Variants in PSD2 observed in about 807,000 individuals in gnomAD.
PSD2 encodes the protein PH and SEC7 domain-containing protein 2.
PSD2 carries 38 observed loss-of-function variants against 69.8 expected under a neutral mutation model. The ratio of observed to expected loss-of-function variants is 0.54; its 90% CI spans 0.42 to 0.71. The LOEUF (loss-of-function observed/expected upper bound fraction) is 0.71. Among genes scored for constraint, PSD2 ranks in the 30% least tolerant of loss-of-function variants. The probability of loss-of-function intolerance (pLI) is 0.00; values close to 1 mark genes in which losing one functional copy is unlikely to be tolerated. For synonymous variants in PSD2, 412 were observed against 423.0 expected, an observed-to-expected ratio of 0.97 and a Z score of 0.32; for missense variants, 943 against 1,014.5, an observed-to-expected ratio of 0.93 and a Z score of 0.96.
chr5:139,840,848 G>A (rs1356861060), intron 14 of PSD2, among the ~76,000 whole-genome samples: 2 of 151,986 alleles, frequency 1.3e-5, no homozygotes, highest in Admixed American at 6.5e-5. Context: ...CACCACGCCC[G>A]GCCTCATTAC....
intron 1 of PSD2, among the ~76,000 whole-genome samples, chr5:139,809,095 A>T (rs1345937672): frequency 6.6e-6 from 1 of 152,164 alleles, no homozygotes; most frequent in Non-Finnish European, 1.5e-5. Context: ...GATCTTCCTC[A>T]GAGGGCTTTG....
In PSD2 at chr5:139,813,615, C is replaced by G; in HGVS notation, c.678C>G (p.Ile226Met). The change falls in exon 3 of 15, where the codon ATC (isoleucine) becomes ATG (methionine). Residue 226 changes from isoleucine to methionine, a missense_variant. Physicochemically the swap from Ile to Met is conservative, Grantham distance 10 (BLOSUM62 1). This residue lies in a region of PSD2 where 466 missense variants were observed against 445.0 expected (regional missense o/e 1.05). Coordinates refer to ENST00000274710, the MANE Select transcript of PSD2 (RefSeq NM_032289.4). ...TGGGCAGCCCCCTGCGGCGCTCCAT[C>G]TCCAGCAGCCGCTCTGAGAATGTCC... ...GELGSPLRRS[I>M]SSSRSENVLS... 1.2e-6 allele frequency: 2 copies of G among 1,613,732 alleles called. No homozygotes were observed. The highest frequency in any genetic ancestry group is 1.7e-6 in the Non-Finnish European group (2 of 1,179,910).
the PSD2 span, among the ~76,000 whole-genome samples, chr5:139,782,205 C>T: frequency 9.5e-4 from 145 of 152,040 alleles, 1 homozygote; most frequent in Non-Finnish European, 3.5e-4. Context: ...GTCTGTGAGA[C>T]GGAGTTTCAC....
chr5:139,841,395 TTTTG>T (rs2126972897), intron 14 of PSD2, among the ~76,000 whole-genome samples: 1 of 152,318 alleles, frequency 6.6e-6, no homozygotes, highest in South Asian at 2.1e-4. Flanking sequence ...ACACACCACA[TTTTG>T]TTTATCCGTT....
At chr5:139,745,981 C>G in the PSD2 span, among the ~76,000 whole-genome samples, 1 of 152,148 alleles carries the variant, frequency 6.6e-6, no homozygotes, top group African/African-American at 2.4e-5. Context: ...AGGACCAAGC[C>G]CCTCCTCCCC....
At chr5:139,775,013 C>T in the PSD2 span, among the ~76,000 whole-genome samples, 32 of 152,206 alleles carry the variant, frequency 2.1e-4, no homozygotes, top group Middle Eastern at 3.4e-3. Flanking sequence ...ACTGTGCCGC[C>T]GCCCTCCTGC....
At chr5:139,815,655 C>G (rs114585549) in intron 4 of PSD2, among the ~76,000 whole-genome samples, 2,462 of 152,216 alleles carry the variant, frequency 0.016, 76 homozygotes, top group African/African-American at 0.056. Context: ...GCAGCTTCCA[C>G]GAGACTGGCC....
the PSD2 span, among the ~76,000 whole-genome samples, chr5:139,757,562 A>G: frequency 3.3e-5 from 5 of 152,190 alleles, no homozygotes; most frequent in African/African-American, 9.6e-5. Context: ...GTTAGTCCCA[A>G]TGATTTGGGA....
intron 1 of PSD2, 120 bp from the exon 2 acceptor site, chr5:139,809,271 G>A (rs3797901): frequency 0.24 from 178,961 of 753,636 alleles, 23,137 homozygotes; most frequent in African/African-American, 0.44. Flanking sequence ...CCCCGAGGAG[G>A]TCATCTTGGC....
chr5:139,757,692 C>T, the PSD2 span, among the ~76,000 whole-genome samples: 11 of 152,324 alleles, frequency 7.2e-5, no homozygotes, highest in Admixed American at 2.0e-4. Context: ...AGCAAACCAA[C>T]GTATACATAA....
the PSD2 span, among the ~76,000 whole-genome samples, chr5:139,789,814 T>C: frequency 1.3e-5 from 2 of 151,864 alleles, no homozygotes. Context: ...ATATGGTATA[T>C]ACATATGTGT....
At chr5:139,827,847 C>G (rs1224007590) in intron 7 of PSD2, among the ~76,000 whole-genome samples, 2 of 152,194 alleles carry the variant, frequency 1.3e-5, no homozygotes, top group African/African-American at 4.8e-5. Context: ...GATCCAATCA[C>G]CTTCCTCCCT....
intron 1 of PSD2, among the ~76,000 whole-genome samples, chr5:139,802,894 C>A (rs1759710991): frequency 6.6e-6 from 1 of 152,168 alleles, no homozygotes; most frequent in African/African-American, 2.4e-5. Context: ...AGAGCACATG[C>A]AGGATAAGAT....
intron 7 of PSD2, among the ~76,000 whole-genome samples, chr5:139,825,048 T>G (rs1045590073): frequency 6.6e-6 from 1 of 152,080 alleles, no homozygotes; most frequent in Non-Finnish European, 1.5e-5. Flanking sequence ...ACCCTTGAGG[T>G]TGGAGGCTCA....
chr5:139,801,680 A>G (rs1474005079), intron 1 of PSD2, among the ~76,000 whole-genome samples: 1 of 151,972 alleles, frequency 6.6e-6, no homozygotes, highest in African/African-American at 2.4e-5. Flanking sequence ...TTTAAATCCC[A>G]AGTCTCAACC....
At position 139,837,584 on chromosome 5, in the gene PSD2, G is replaced by A. The variant is rs1760766433; in HGVS notation, c.1666-41G>A. 1 of 1,561,606 alleles carries A rather than the reference G, an allele frequency of 6.4e-7. No individual in the cohort carries two copies. Among genetic ancestry groups the A allele is most frequent in the South Asian group, 1.2e-5 (1 of 84,460 alleles). ...GTGAGGGGAGGGGAGAGTGGAAGGT[G>A]TGGGTCAGTGACCCTAGCTCGCCCA... is the stretch of plus-strand genomic sequence containing the variant. On this transcript the variant is annotated intron_variant, in intron 11 of 14. Transcript: ENST00000274710. This position sits in a 1 kb window ranked among gnomAD's most constrained non-coding sequence, Gnocchi z 5.0.
the PSD2 span, among the ~76,000 whole-genome samples, chr5:139,787,702 C>T: frequency 6.6e-6 from 1 of 152,210 alleles, no homozygotes; most frequent in East Asian, 1.9e-4. Context: ...GGCTGGGCGG[C>T]CTGTTGAATC....
At chr5:139,824,702 G>A (rs1184862320) in intron 7 of PSD2, among the ~76,000 whole-genome samples, 2 of 152,156 alleles carry the variant, frequency 1.3e-5, no homozygotes, top group Non-Finnish European at 2.9e-5. Flanking sequence ...ACTTCACTAT[G>A]CCTCAGTTTC....
chr5:139,814,358 G>A lies in PSD2; in HGVS notation c.1010G>A (p.Gly337Asp), dbSNP rs760419939. 5.4e-5 allele frequency: 87 copies of A among 1,598,500 alleles called. No homozygotes were observed. Among genetic ancestry groups the A allele is most frequent in the Non-Finnish European group, 7.2e-5 (85 of 1,172,592 alleles). ...CGCTGTGATGTGGCCCGGCAGCTGG[G>A]CAAGAAGTGAGTGTGAGCTCCCCTG... is the stretch of plus-strand genomic sequence containing the variant. ...FQRCDVARQL[G>D]KNNEFSRLVA... The change falls in exon 4 of 15, where the codon GGC becomes GAC. Residue 337 changes from glycine to aspartate, a missense_variant. Gly to Asp is a moderately conservative substitution (Grantham distance 94). Coordinates refer to ENST00000274710, the MANE Select transcript of PSD2 (RefSeq NM_032289.4). This position sits in a 1 kb window ranked among gnomAD's most constrained non-coding sequence, Gnocchi z 4.4.
Sources: allele counts gnomAD v4.1 joint callset (sites outside exome capture counted in the v4.1 genomes callset), GRCh38; gene constraint gnomAD v4.1.1; regional missense constraint gnomAD v4.1.1; non-coding constraint Gnocchi (gnomAD v3.1); transcripts MANE v1.5; gene names NCBI Gene and HGNC (gene_info 2026-07-23, HGNC 2026-07-21).